SRSF10: variants seen among roughly 807,000 people sequenced by gnomAD.
The protein encoded by SRSF10 is serine and arginine rich splicing factor 10.
In SRSF10, 9 loss-of-function variants were observed where a neutral mutation model predicts 32.6. The ratio of observed to expected loss-of-function variants is 0.28; its 90% confidence interval spans 0.17 to 0.48. The LOEUF (loss-of-function observed/expected upper bound fraction) is 0.48, where lower values mean the gene tolerates loss of function less well. Ranked by LOEUF, SRSF10 falls within the 20% of genes least tolerant of loss-of-function variation. The pLI, the probability that SRSF10 is intolerant of heterozygous loss-of-function variation, is 0.99. For synonymous variants in SRSF10, 105 were observed against 112.4 expected (o/e 0.93, Z 0.42); for missense variants, 201 against 331.8 (o/e 0.61, Z 3.06).
At chr1:23,974,820 G>A (rs1641986668) in intron 3 of SRSF10, among the ~76,000 whole-genome samples, 154 bp downstream of exon 3, 1 of 148,636 alleles carries the variant, frequency 6.7e-6, no homozygotes, top group African/African-American at 2.5e-5. Flanking sequence ...GCAACAGAGT[G>A]AGACTCCGTC....
Position 23,971,114 on chromosome 1 carries a change from T to C in SRSF10, c.*28A>G, listed in dbSNP as rs1641729615. Reference sequence around the variant, plus strand: ...AAACTATGAGTAAATGAATGATACATGCCTAAAAATGACCATGGTTTATAC... The same window carrying C: ...AAACTATGAGTAAATGAATGATACACGCCTAAAAATGACCATGGTTTATAC... On this transcript the variant is annotated 3_prime_UTR_variant, in exon 6 of 6. Coordinates refer to ENST00000492112, the MANE Select transcript of SRSF10 (RefSeq NM_054016.4). 1.3e-6 allele frequency: 2 copies of C among 1,563,550 alleles called. No individual in the cohort carries two copies. Among genetic ancestry groups the C allele is most frequent in the Non-Finnish European group, 1.7e-6 (2 of 1,159,450 alleles).
In SRSF10 at chr1:23,965,730, T is replaced by C. The variant is rs902059552; in HGVS notation, c.*5412A>G. The C allele has an allele frequency of 5.3e-5, 8 of 152,108 alleles. No individual in the cohort carries two copies. Among genetic ancestry groups the C allele is most frequent in the African/African-American group, 1.7e-4 (7 of 41,564 alleles). The allele number at this position is 152,108 out of a possible 1,614,324, so 9.4% of individuals were successfully genotyped here. A position where few individuals can be genotyped will look rare whatever the true frequency, so the allele number is the denominator to read the frequency against. ...TTAAAGGGCCTTTTCTGATTTACCA[T>C]AATTAAATATTTTAGAGAACTACCA... is the stretch of plus-strand genomic sequence containing the variant. On this transcript the variant is annotated 3_prime_UTR_variant, in exon 6 of 6. Coordinates refer to ENST00000492112, the MANE Select transcript of SRSF10 (RefSeq NM_054016.4).
rs1013400332 is a variant in SRSF10 at position 23,966,185 on chromosome 1, G to A, written c.*4957C>T. On this transcript the variant is annotated 3_prime_UTR_variant, in exon 6 of 6. Coordinates refer to ENST00000492112, the MANE Select transcript of SRSF10 (RefSeq NM_054016.4). The stretch of plus-strand genomic sequence containing the variant: ...ATCTGACACTTGCTGTGTGATCTTG[G>A]GCAAGTTCAAACAAAATTTCTAAAA... 1.5e-3 allele frequency: 229 copies of A among 151,806 alleles called. 2 individuals are homozygous for A. Among genetic ancestry groups the A allele is most frequent in the African/African-American group, 5.4e-3 (223 of 41,474 alleles). The allele number at this position is 151,806 out of a possible 1,614,324, so 9.4% of individuals were successfully genotyped here.
At chr1:23,974,908 C>A in intron 3 of SRSF10, 66 bp downstream of exon 3, 1 of 1,224,054 alleles carries the variant, frequency 8.2e-7, no homozygotes, top group Non-Finnish European at 1.2e-6. Context: ...TGCTTAAATT[C>A]TTAAAAAAAA....
intron 3 of SRSF10, among the ~76,000 whole-genome samples, 177 bp from the exon 4 acceptor site, chr1:23,972,189 A>T (rs1394478523): frequency 2.0e-5 from 3 of 152,150 alleles, no homozygotes; most frequent in Non-Finnish European, 2.9e-5. Flanking sequence ...TGGGAGGATC[A>T]CTTGAGCCCA....
At position 23,964,774 on chromosome 1, in the gene SRSF10, C is replaced by CT. The variant is rs1641371949; in HGVS notation, c.*6367dup. 6.6e-6 allele frequency: 1 copy of CT among 151,922 alleles called. No individual in the cohort carries two copies. Among genetic ancestry groups the CT allele is most frequent in the Non-Finnish European group, 1.5e-5 (1 of 67,852 alleles). 9.4% of individuals were successfully genotyped at this position (151,922 alleles called of 1,614,324 possible). On this transcript the variant is annotated 3_prime_UTR_variant, in exon 6 of 6. Coordinates refer to ENST00000492112, the MANE Select transcript of SRSF10 (RefSeq NM_054016.4). ...AAGTTGTACCCAGGTGGTTACAAAT[C>CT]TAAGAGCAAAATCTTAAAAAAACCC...
Position 23,969,022 on chromosome 1 carries a change from G to T in SRSF10, c.*2120C>A. ...AATATTCCTAAATCTATAAAGGACT[G>T]TTTCCATTGTTATTTTAGAATCATA... On this transcript the variant is annotated 3_prime_UTR_variant, in exon 6 of 6. Transcript: ENST00000492112. 1.4e-6 allele frequency: 1 copy of T among 739,550 alleles called. No homozygotes were observed. The highest frequency in any genetic ancestry group is 1.7e-6 in the Non-Finnish European group (1 of 605,460). 45.8% of individuals were successfully genotyped at this position (739,550 alleles called of 1,614,324 possible). A position where few individuals can be genotyped will look rare whatever the true frequency, so the allele number is the denominator to read the frequency against.
chr1:23,978,835 G>A lies in SRSF10; in HGVS notation c.66-18C>T, dbSNP rs1642235468. The A allele has an allele frequency of 6.3e-7, 1 of 1,590,954 alleles. No individual in the cohort carries two copies. Among genetic ancestry groups the A allele is most frequent in the Non-Finnish European group, 8.6e-7 (1 of 1,167,370 alleles). ...CTTCAGACCTAAAACATCATAAAAAGACCTCAAATTTTTATGTCCAAGTCC... is the reference window on the plus strand; with the variant it reads ...CTTCAGACCTAAAACATCATAAAAAAACCTCAAATTTTTATGTCCAAGTCC... On this transcript the variant is annotated intron_variant, in intron 1 of 5. Coordinates refer to ENST00000492112, the MANE Select transcript of SRSF10 (RefSeq NM_054016.4).
rs1160287970 is a variant in SRSF10, at chr1:23,967,406, T to G, written c.*3736A>C. The G allele has an allele frequency of 5.4e-6, 2 of 367,342 alleles. No homozygotes were observed. The highest frequency in any genetic ancestry group is 4.1e-5 in the African/African-American group (2 of 48,486). The allele number at this position is 367,342 out of a possible 1,614,324, so 22.8% of individuals were successfully genotyped here. ...AGTTTCCAATAATTTATTATGGACC[T>G]GTTACCCATGAATCAATATAAACCT... is the stretch of plus-strand genomic sequence containing the variant. On this transcript the variant is annotated 3_prime_UTR_variant, in exon 6 of 6. Coordinates refer to ENST00000492112, the MANE Select transcript of SRSF10 (RefSeq NM_054016.4).
At position 23,965,932 on chromosome 1, in the gene SRSF10, CCT is replaced by C. The variant is rs1386582432; in HGVS notation, c.*5208_*5209del. ...CATATTCTTTTAAAAATACATAGAA[CCT>C]CTGTCCATAAGAACCCCTATGTTAA... On this transcript the variant is annotated 3_prime_UTR_variant, in exon 6 of 6. Transcript: ENST00000492112. 6.6e-6 allele frequency: 1 copy of C among 151,778 alleles called. No individual in the cohort carries two copies. Among genetic ancestry groups the C allele is most frequent in the Non-Finnish European group, 1.5e-5 (1 of 67,800 alleles). The allele number at this position is 151,778 out of a possible 1,614,324, so 9.4% of individuals were successfully genotyped here. A position where few individuals can be genotyped will look rare whatever the true frequency, so the allele number is the denominator to read the frequency against.
At chr1:23,978,316 AAG>A in intron 2 of SRSF10, 1 of 994,448 alleles carries the variant, frequency 1.0e-6, no homozygotes, top group African/African-American at 1.7e-5. Flanking sequence ...GACAATATTA[AAG>A]AAGTTTACCT....
At chr1:23,973,970 G>A (rs1641924313) in intron 3 of SRSF10, among the ~76,000 whole-genome samples, 1 of 149,902 alleles carries the variant, frequency 6.7e-6, no homozygotes. Context: ...GTACTCAAGA[G>A]CTCCTCCTCT....
Position 23,964,912 on chromosome 1 carries a change from A to G in SRSF10, c.*6230T>C, listed in dbSNP as rs1429793635. 6.6e-6 allele frequency: 1 copy of G among 152,038 alleles called. No individual in the cohort carries two copies. The highest frequency in any genetic ancestry group is 1.5e-5 in the Non-Finnish European group (1 of 67,880). 9.4% of individuals were successfully genotyped at this position (152,038 alleles called of 1,614,324 possible). On this transcript the variant is annotated 3_prime_UTR_variant, in exon 6 of 6. Transcript: ENST00000492112. ...TTTTACTTCTTTACAAACTACGGTTAGTTCTCAATGAATTTACATGCCTCA... is the reference window on the plus strand; with the variant it reads ...TTTTACTTCTTTACAAACTACGGTTGGTTCTCAATGAATTTACATGCCTCA...
At chr1:23,977,839 A>G (rs1642184284) in intron 2 of SRSF10, 1 of 964,066 alleles carries the variant, frequency 1.0e-6, no homozygotes, top group Non-Finnish European at 1.2e-6. Context: ...CCAAACCAGA[A>G]TAATTTTGAA....
chr1:23,974,594 T>C (rs1332781690), intron 3 of SRSF10, among the ~76,000 whole-genome samples: 1 of 152,176 alleles, frequency 6.6e-6, no homozygotes, highest in Non-Finnish European at 1.5e-5. Context: ...TTTGAGAGGC[T>C]GAGGCAGGTG....
intron 2 of SRSF10, chr1:23,977,518 C>G (rs1642163261): frequency 1.3e-5 from 2 of 152,142 alleles, no homozygotes; most frequent in Non-Finnish European, 2.9e-5. Flanking sequence ...TATATATAAA[C>G]AAAATTTCTA....
intron 2 of SRSF10, chr1:23,978,080 G>C: frequency 1.0e-6 from 1 of 985,340 alleles, no homozygotes; most frequent in Non-Finnish European, 1.2e-6. Flanking sequence ...ATAAAGCGAG[G>C]CTTTGTCTCC....
chr1:23,980,151 G>C, intron 1 of SRSF10, 40 bp downstream of exon 1: 1 of 1,526,208 alleles, frequency 6.6e-7, no homozygotes, highest in Non-Finnish European at 8.8e-7. Flanking sequence ...GGCGCCTGCG[G>C]CCTCCCCGCC....
In SRSF10 at chr1:23,966,532, T is replaced by G. The variant is rs1211261854; in HGVS notation, c.*4610A>C. ...CATGTAAATCACTAAAAAGTATAATTTGGTGAACATTTTCTCAATTACAGA... is the reference window on the plus strand; with the variant it reads ...CATGTAAATCACTAAAAAGTATAATGTGGTGAACATTTTCTCAATTACAGA... On this transcript the variant is annotated 3_prime_UTR_variant, in exon 6 of 6. Transcript: ENST00000492112. 2 of 151,980 alleles carry G rather than the reference T, an allele frequency of 1.3e-5. No individual in the cohort carries two copies. Among genetic ancestry groups the G allele is most frequent in the South Asian group, 2.1e-4 (1 of 4,822 alleles). The allele number at this position is 151,980 out of a possible 1,614,324, so 9.4% of individuals were successfully genotyped here.
Sources: allele counts gnomAD v4.1 joint callset (sites outside exome capture counted in the v4.1 genomes callset), GRCh38; gene constraint gnomAD v4.1.1; transcripts MANE v1.5; gene names NCBI Gene and HGNC (gene_info 2026-07-23, HGNC 2026-07-21).